The following SP140 variants were observed in gnomAD, a reference collection of about 807,000 sequenced individuals.
SP140 encodes the protein SP140 nuclear body protein.
In SP140, 81 loss-of-function variants were observed where a neutral mutation model predicts 125.0. The observed-to-expected ratio is 0.65, with a 90% confidence interval of 0.54 to 0.78. The LOEUF (loss-of-function observed/expected upper bound fraction) is 0.78. Ranked by LOEUF, SP140 falls within the 30% of genes least tolerant of loss-of-function variation. SP140 has a pLI of 0.00. For synonymous variants in SP140, 312 were observed against 354.0 expected, an observed-to-expected ratio of 0.88 and a Z score of 1.33; for missense variants, 858 against 1,037.0, an observed-to-expected ratio of 0.83 and a Z score of 2.37.
At chr2:230,308,264 A>G (rs563218047) in intron 22 of SP140, among the ~76,000 whole-genome samples, 4 of 151,928 alleles carry the variant, frequency 2.6e-5, no homozygotes, top group Non-Finnish European at 5.9e-5. Context: ...GTGAGGGATA[A>G]AAGACTACAC....
upstream of SP140, among the ~76,000 whole-genome samples, chr2:230,202,345 G>A (rs185365539): frequency 2.8e-4 from 42 of 152,288 alleles, no homozygotes; most frequent in Non-Finnish European, 5.6e-4. Context: ...AAAAATTTGA[G>A]AGCTGCTGCC....
rs2149354337 is a variant in SP140 at position 230,270,659 on chromosome 2, T to C, written c.1498+20T>C. On this transcript the variant is annotated intron_variant, in intron 15 of 26. Transcript: ENST00000392045. ...AAAGAAGTAAGAATAAATAAGAATT[T>C]ATTTGCTTTTGGTATTACAAATACG... is the stretch of plus-strand genomic sequence containing the variant. 1 of 1,589,634 alleles carries C rather than the reference T, an allele frequency of 6.3e-7. No homozygotes were observed. The highest frequency in any genetic ancestry group is 8.6e-7 in the Non-Finnish European group (1 of 1,160,300).
At chr2:230,202,846 A>G, upstream of SP140, 1 of 916,686 alleles carries the variant, frequency 1.1e-6, no homozygotes, top group South Asian at 1.3e-5. Flanking sequence ...AGATCTCTGT[A>G]CCCCTGTACC....
At chr2:230,208,613 C>A (rs1054595039) in intron 1 of SP140, among the ~76,000 whole-genome samples, 5 of 152,076 alleles carry the variant, frequency 3.3e-5, no homozygotes, top group African/African-American at 9.7e-5. Flanking sequence ...GAGCAAAAAG[C>A]AGGAGGTGAG....
At chr2:230,296,981 A>G (rs768765794) in intron 21 of SP140, among the ~76,000 whole-genome samples, 3 of 152,250 alleles carry the variant, frequency 2.0e-5, no homozygotes, top group Non-Finnish European at 4.4e-5. Context: ...GACTGTTTAC[A>G]AAAATAAAAC....
chr2:230,199,647 G>A (rs1234813560), upstream of SP140, among the ~76,000 whole-genome samples: 1 of 151,818 alleles, frequency 6.6e-6, no homozygotes, highest in Non-Finnish European at 1.5e-5. Flanking sequence ...GCCTAGAATG[G>A]CATAATAACA....
At chr2:230,243,065 G>T (rs1237704932) in intron 4 of SP140, among the ~76,000 whole-genome samples, 1 of 152,188 alleles carries the variant, frequency 6.6e-6, no homozygotes, top group Non-Finnish European at 1.5e-5. Context: ...TGAGCCACCT[G>T]CTTACTTCTC....
chr2:230,221,382 C>T (rs747246349), upstream of SP140, among the ~76,000 whole-genome samples: 28 of 152,148 alleles, frequency 1.8e-4, no homozygotes, highest in Non-Finnish European at 3.7e-4. Context: ...CCACAAACTC[C>T]TCAGATAAAA....
chr2:230,232,888 T>A (rs189590198), intron 1 of SP140, among the ~76,000 whole-genome samples: 47 of 152,140 alleles, frequency 3.1e-4, no homozygotes, highest in Admixed American at 1.0e-3. Flanking sequence ...TCTTACTTTT[T>A]AAATGTGAGT....
At chr2:230,200,583 T>A, upstream of SP140, 1 of 438,198 alleles carries the variant, frequency 2.3e-6, no homozygotes, top group South Asian at 2.3e-5. Context: ...CTTAGGACAC[T>A]CATTCTCAGT....
chr2:230,195,100 C>CT, the SP140 span, among the ~76,000 whole-genome samples: 1 of 151,502 alleles, frequency 6.6e-6, no homozygotes. Context: ...TTCTTTTCTC[C>CT]TTTTTTCTAA....
chr2:230,257,409 C>T (rs369963275), intron 12 of SP140, among the ~76,000 whole-genome samples: 1 of 151,924 alleles, frequency 6.6e-6, no homozygotes, highest in Non-Finnish European at 1.5e-5. Flanking sequence ...AGAGAAAGTC[C>T]AGAAAGCCGA....
chr2:230,213,262 C>A (rs2044697414), intron 1 of SP140, among the ~76,000 whole-genome samples: 1 of 152,102 alleles, frequency 6.6e-6, no homozygotes, highest in Admixed American at 6.6e-5. Flanking sequence ...TGATCTAATA[C>A]CAAAATGGTT....
chr2:230,271,964 T>A (rs917451311), intron 15 of SP140, among the ~76,000 whole-genome samples: 1 of 152,156 alleles, frequency 6.6e-6, no homozygotes, highest in Non-Finnish European at 1.5e-5. Context: ...TAGATGTGCG[T>A]TGCTACAAAA....
At chr2:230,296,736 T>C (rs2057772109) in intron 21 of SP140, among the ~76,000 whole-genome samples, 2 of 152,128 alleles carry the variant, frequency 1.3e-5, no homozygotes, top group African/African-American at 4.8e-5. Flanking sequence ...CTCAGCCTGA[T>C]TATTATTGAG....
At chr2:230,248,555 A>G (rs192673485) in intron 8 of SP140, among the ~76,000 whole-genome samples, 1 of 152,364 alleles carries the variant, frequency 6.6e-6, no homozygotes, top group East Asian at 1.9e-4. Flanking sequence ...AGAGGGATCT[A>G]GAATAAGAGC....
At chr2:230,260,446 A>T (rs2052040513) in intron 12 of SP140, among the ~76,000 whole-genome samples, 1 of 152,160 alleles carries the variant, frequency 6.6e-6, no homozygotes, top group African/African-American at 2.4e-5. Flanking sequence ...CTTAGGTTTA[A>T]TTAAGTCCCA....
chr2:230,216,639 AC>A, intron 3 of SP140: 1 of 978,418 alleles, frequency 1.0e-6, no homozygotes, highest in Non-Finnish European at 1.6e-6. Flanking sequence ...TCTCCTAACT[AC>A]CCCCACCTTC....
At chr2:230,194,851 C>G in the SP140 span, among the ~76,000 whole-genome samples, 1 of 152,160 alleles carries the variant, frequency 6.6e-6, no homozygotes, top group African/African-American at 2.4e-5. Flanking sequence ...GAAAAGAAGA[C>G]TAGGTATAAA....
Sources: gnomAD v4.1 joint callset for allele counts (sites outside exome capture counted in the v4.1 genomes callset) on GRCh38, gnomAD v4.1.1 for gene constraint, MANE v1.5 for transcripts, NCBI Gene and HGNC (gene_info 2026-07-23, HGNC 2026-07-21) for gene names.